Variants in PTPRT observed in about 807,000 individuals in gnomAD.
PTPRT encodes the protein protein tyrosine phosphatase receptor type T.
PTPRT carries 56 observed loss-of-function variants against 176.8 expected under a neutral mutation model. The ratio of observed to expected loss-of-function variants is 0.32; its 90% CI spans 0.26 to 0.40. The LOEUF is 0.40. Among genes scored for constraint, PTPRT ranks in the 10% least tolerant of loss-of-function variants. PTPRT has a pLI of 1.00. For synonymous variants in PTPRT, 783 were observed against 739.0 expected (o/e 1.06, Z -0.96); for missense variants, 1,540 against 1,908.2 (o/e 0.81, Z 3.60).
intron 7 of PTPRT, among the ~76,000 whole-genome samples, chr20:42,480,769 C>T (rs994496980): frequency 2.0e-5 from 3 of 152,138 alleles, no homozygotes; most frequent in African/African-American, 4.8e-5. Context: ...AAACCAAAGC[C>T]ATCAAAGAAA....
rs776148747 is a variant in PTPRT at position 42,104,650 on chromosome 20, C to T, written c.3459G>A (p.Val1153=). 5 of 1,600,532 alleles carry T rather than the reference C, an allele frequency of 3.1e-6. No individual in the cohort carries two copies. The highest frequency in any genetic ancestry group is 3.4e-6 in the Non-Finnish European group (4 of 1,167,742). ...ACLCGNTAIP[V]CEFRSLYYNI... is the part of the protein sequence containing the mutation. ...TGTAGTAGAGAGAACGGAACTCACA[C>T]ACAGGGATGGCAGTGTTGCCACAGA... The change falls in exon 25 of 31, where the codon GTG becomes GTA. Residue 1153 remains valine, a synonymous_variant. Coordinates refer to ENST00000373187, the MANE Select transcript of PTPRT (RefSeq NM_007050.6).
rs3091704 is a variant in PTPRT at position 43,045,629 on chromosome 20, A to ATTT, written c.88+144014_88+144016dup. Among the ~76,000 whole-genome samples the ATTT allele has an allele frequency of 2.1e-3, 284 of 132,812 alleles. 3 individuals carry two copies. Among genetic ancestry groups the ATTT allele is most frequent in the East Asian group, 0.011 (49 of 4,582 alleles). 87.1% of individuals were successfully genotyped at this position (132,812 alleles called of 152,430 possible). On this transcript the variant is annotated intron_variant, in intron 1 of 30. Coordinates refer to ENST00000373187, the MANE Select transcript of PTPRT (RefSeq NM_007050.6). ...ACCACCATGTCCAGCTAATTTTTCT[A>ATTT]TTTTTTTTTTTTTTGTAAAGACAGG...
chr20:42,790,834 C>T (rs910401231), intron 3 of PTPRT, among the ~76,000 whole-genome samples: 4 of 152,204 alleles, frequency 2.6e-5, no homozygotes, highest in Non-Finnish European at 4.4e-5. Context: ...TATTTCATCT[C>T]TCCGAACCTC....
chr20:42,332,990 A>C (rs908059829), intron 11 of PTPRT, among the ~76,000 whole-genome samples: 1 of 152,228 alleles, frequency 6.6e-6, no homozygotes, highest in African/African-American at 2.4e-5. Flanking sequence ...TTTAACGTAA[A>C]AGAGTATAAA....
chr20:42,341,591 A>G (rs2058112636), intron 11 of PTPRT, among the ~76,000 whole-genome samples: 1 of 151,290 alleles, frequency 6.6e-6, no homozygotes, highest in African/African-American at 2.4e-5. Flanking sequence ...TCTGTTTCTC[A>G]TCTCTTCTAA....
chr20:42,582,635 C>G (rs1032653332), intron 7 of PTPRT, among the ~76,000 whole-genome samples: 2 of 152,160 alleles, frequency 1.3e-5, no homozygotes, highest in African/African-American at 4.8e-5. Flanking sequence ...AGAGACTCCC[C>G]AAACTCTGGC....
chr20:42,772,845 A>C (rs978745753), intron 4 of PTPRT, among the ~76,000 whole-genome samples: 1 of 152,258 alleles, frequency 6.6e-6, no homozygotes, highest in Admixed American at 6.5e-5. Flanking sequence ...GTACTATGAT[A>C]AATGCTTTGC....
At position 42,073,545 on chromosome 20, in the gene PTPRT, T is replaced by C. The variant is rs1982490286; in HGVS notation, c.*7334A>G. 2 of 216,510 alleles carry C rather than the reference T, an allele frequency of 9.2e-6. No individual in the cohort carries two copies. The highest frequency in any genetic ancestry group is 5.9e-5 in the Admixed American group (1 of 17,088). The allele number at this position is 216,510 out of a possible 1,614,324, so 13.4% of individuals were successfully genotyped here. On this transcript the variant is annotated 3_prime_UTR_variant, in exon 31 of 31. Coordinates refer to ENST00000373187, the MANE Select transcript of PTPRT (RefSeq NM_007050.6). ...TACTTGGACCTTCACTGGTTCTGGC[T>C]GTCACTCATGGCCCTGTTGGTCAGT...
intron 1 of PTPRT, among the ~76,000 whole-genome samples, chr20:43,076,323 G>A (rs765862634): frequency 2.6e-4 from 40 of 151,784 alleles, no homozygotes; most frequent in African/African-American, 8.0e-4. Context: ...ACGGTAAGTC[G>A]CCTTAATTAT....
At chr20:42,506,232 A>G (rs1020118432) in intron 7 of PTPRT, among the ~76,000 whole-genome samples, 3 of 152,198 alleles carry the variant, frequency 2.0e-5, no homozygotes, top group Non-Finnish European at 4.4e-5. Context: ...ATCAATAAGT[A>G]TGTGTACATA....
chr20:42,252,168 A>G (rs2056560162), intron 13 of PTPRT, among the ~76,000 whole-genome samples: 1 of 152,222 alleles, frequency 6.6e-6, no homozygotes, highest in Admixed American at 6.5e-5. Flanking sequence ...TCTTTGCACG[A>G]TAGGGTGGAT....
intron 6 of PTPRT, among the ~76,000 whole-genome samples, chr20:42,693,020 T>C (rs2075815999): frequency 6.6e-6 from 1 of 152,204 alleles, no homozygotes; most frequent in South Asian, 2.1e-4. Context: ...GCTATCCACA[T>C]AAGGTTAACG....
intron 1 of PTPRT, among the ~76,000 whole-genome samples, chr20:43,049,315 A>C (rs1052884177): frequency 2.7e-5 from 4 of 148,522 alleles, no homozygotes; most frequent in Admixed American, 1.3e-4. Flanking sequence ...AATTCATAAA[A>C]GGCCATGTAA....
At chr20:42,525,769 A>G (rs2072257000) in intron 7 of PTPRT, among the ~76,000 whole-genome samples, 2 of 152,200 alleles carry the variant, frequency 1.3e-5, no homozygotes, top group African/African-American at 4.8e-5. Context: ...GCTACAGCAA[A>G]AAGACTAGGC....
chr20:42,555,913 G>A (rs751215018), intron 7 of PTPRT, among the ~76,000 whole-genome samples: 1 of 152,136 alleles, frequency 6.6e-6, no homozygotes, highest in Non-Finnish European at 1.5e-5. Flanking sequence ...GAAAAAACAA[G>A]TTTGTCATGT....
At chr20:42,470,226 CA>C (rs2071169455) in intron 8 of PTPRT, among the ~76,000 whole-genome samples, 1 of 152,132 alleles carries the variant, frequency 6.6e-6, no homozygotes, top group South Asian at 2.1e-4. Context: ...TGCAGAGAGA[CA>C]AAAGTTACTG....
At chr20:42,170,468 CAAGTT>C (rs2146540865) in intron 16 of PTPRT, among the ~76,000 whole-genome samples, 1 of 152,098 alleles carries the variant, frequency 6.6e-6, no homozygotes, top group Admixed American at 6.5e-5. Flanking sequence ...CAAAATAGAT[CAAGTT>C]AAGAAGTAGC....
At chr20:42,101,206 A>C (rs1196166359) in intron 26 of PTPRT, among the ~76,000 whole-genome samples, 4 of 152,316 alleles carry the variant, frequency 2.6e-5, no homozygotes, top group Middle Eastern at 3.4e-3. Context: ...TTTGCCTCTT[A>C]TTGGATCCAC....
In PTPRT at chr20:42,075,975, A is replaced by C. The variant is rs1982729339; in HGVS notation, c.*4904T>G. 1 of 223,164 alleles carries C rather than the reference A, an allele frequency of 4.5e-6. No individual in the cohort carries two copies. The highest frequency in any genetic ancestry group is 1.8e-4 in the South Asian group (1 of 5,428). The allele number at this position is 223,164 out of a possible 1,614,324, so 13.8% of individuals were successfully genotyped here. On this transcript the variant is annotated 3_prime_UTR_variant, in exon 31 of 31. Coordinates refer to ENST00000373187, the MANE Select transcript of PTPRT (RefSeq NM_007050.6). ...TAAGTCATCTGCATCCTCGGTTCTG[A>C]GTATTCACTGGGTTCCAGTTTCCTG...
Sources: allele counts gnomAD v4.1 joint callset (sites outside exome capture counted in the v4.1 genomes callset), GRCh38; gene constraint gnomAD v4.1.1; transcripts MANE v1.5; gene names NCBI Gene and HGNC (gene_info 2026-07-23, HGNC 2026-07-21).